The following RERE variants were observed in gnomAD, a reference collection of about 807,000 sequenced individuals.
RERE encodes the protein arginine-glutamic acid dipeptide repeats, also known as arginine-glutamic acid dipeptide repeats protein.
A neutral mutation model predicts 146.1 loss-of-function variants in RERE; 40 were observed. That is an observed-to-expected ratio of 0.27 (90% CI 0.21 to 0.36). The LOEUF (loss-of-function observed/expected upper bound fraction) is 0.36, where lower values mean the gene tolerates loss of function less well. RERE is among the 10% of genes least tolerant of loss of function. The probability of loss-of-function intolerance (pLI) is 1.00; values close to 1 mark genes in which losing one functional copy is unlikely to be tolerated. For synonymous variants in RERE, 1,003 were observed against 866.0 expected (o/e 1.16, Z -2.78); for missense variants, 1,933 against 2,138.7 (o/e 0.90, Z 1.90).
chr1:8,664,715 T>C (rs1638531761), intron 1 of RERE, among the ~76,000 whole-genome samples: 1 of 152,124 alleles, frequency 6.6e-6, no homozygotes, highest in South Asian at 2.1e-4. Flanking sequence ...AATTATCTCA[T>C]TGTTACCTTA....
At chr1:8,506,049 C>G (rs537096699) in intron 8 of RERE, among the ~76,000 whole-genome samples, 3 of 151,754 alleles carry the variant, frequency 2.0e-5, no homozygotes. Context: ...ACTACATTTT[C>G]TTTTATGGTA....
At chr1:8,771,481 G>A (rs965838179) in intron 1 of RERE, among the ~76,000 whole-genome samples, 8 of 149,270 alleles carry the variant, frequency 5.4e-5, no homozygotes, top group Non-Finnish European at 1.0e-4. Context: ...CTGAGATTGC[G>A]CCACTACACT....
chr1:8,662,583 G>C (rs565705734), intron 1 of RERE, among the ~76,000 whole-genome samples: 1 of 152,286 alleles, frequency 6.6e-6, no homozygotes, highest in East Asian at 1.9e-4. Flanking sequence ...CTAGCTACTT[G>C]GGAGGCTGAG....
chr1:8,511,287 TA>T (rs1352296073), intron 7 of RERE, among the ~76,000 whole-genome samples: 2 of 152,154 alleles, frequency 1.3e-5, no homozygotes, highest in African/African-American at 4.8e-5. Flanking sequence ...TTTAAGTTTA[TA>T]ACAGGGAAGA....
intron 12 of RERE, among the ~76,000 whole-genome samples, chr1:8,388,724 A>G (rs1642775446): frequency 7.0e-6 from 1 of 141,860 alleles, no homozygotes; most frequent in East Asian, 2.1e-4. Context: ...ATATTTAACT[A>G]AAAAAAATTT....
chr1:8,728,547 G>A (rs904776344), intron 1 of RERE, among the ~76,000 whole-genome samples: 3 of 151,032 alleles, frequency 2.0e-5, no homozygotes, highest in Admixed American at 6.6e-5. Flanking sequence ...ACCATTAAAA[G>A]GTATGATATT....
intron 12 of RERE, among the ~76,000 whole-genome samples, chr1:8,407,568 G>C (rs111887500): frequency 0.013 from 1,903 of 151,986 alleles, 39 homozygotes; most frequent in African/African-American, 0.044. Context: ...CAAGGCCCTA[G>C]TTCTTGGCTC....
chr1:8,393,280 T>C (rs1205177576), intron 12 of RERE, among the ~76,000 whole-genome samples: 1 of 152,202 alleles, frequency 6.6e-6, no homozygotes, highest in African/African-American at 2.4e-5. Flanking sequence ...ATACAACAGT[T>C]CTTATTTCCG....
In RERE at chr1:8,358,466, G is replaced by C. The variant is rs763833440; in HGVS notation, c.4069C>G (p.Pro1357Ala). The C allele has an allele frequency of 7.6e-6, 12 of 1,584,962 alleles. No homozygotes were observed. In the South Asian group the frequency reaches 7.9e-5, roughly 10 times the overall value. ...FARHSALTIP[P>A]TAGPHPFASF... is the part of the protein sequence containing the mutation. The stretch of plus-strand genomic sequence containing the variant: ...GCAAAAGGGTGGGGCCCGGCGGTCG[G>C]GGGGATGGTGAGGGCGCTGTGCCGG... The change falls in exon 20 of 23, where the codon CCG becomes GCG. Residue 1357 changes from proline (P) to alanine (A), a missense_variant. Coordinates refer to ENST00000400908, the MANE Select transcript of RERE (RefSeq NM_001042681.2).
chr1:8,577,825 T>C (rs1047241764), intron 4 of RERE, among the ~76,000 whole-genome samples: 3 of 152,190 alleles, frequency 2.0e-5, no homozygotes, highest in African/African-American at 7.2e-5. Flanking sequence ...CCGGGTGCAG[T>C]GGCTCATGCC....
intron 7 of RERE, among the ~76,000 whole-genome samples, chr1:8,512,094 C>A (rs1483199352): frequency 8.0e-6 from 1 of 125,740 alleles, no homozygotes; most frequent in Non-Finnish European, 1.6e-5. Flanking sequence ...ACTGCAGTGG[C>A]GCAATCTCGG....
intron 3 of RERE, among the ~76,000 whole-genome samples, chr1:8,620,003 G>T (rs1646899210): frequency 6.6e-6 from 1 of 152,182 alleles, no homozygotes. Context: ...CAGGTATTCA[G>T]TAAATGCCTG....
chr1:8,438,565 T>A (rs944089738), intron 11 of RERE, among the ~76,000 whole-genome samples: 1 of 152,200 alleles, frequency 6.6e-6, no homozygotes, highest in Non-Finnish European at 1.5e-5. Context: ...GCAATCAGCA[T>A]TTTGTGCTCA....
chr1:8,614,882 A>G (rs979520469), intron 3 of RERE, among the ~76,000 whole-genome samples, 196 bp from the exon 4 acceptor site: 13 of 152,228 alleles, frequency 8.5e-5, no homozygotes, highest in African/African-American at 2.9e-4. Context: ...CAGTGTGAAC[A>G]AACGTATGAC....
At chr1:8,564,830 GTA>G (rs1235456516) in intron 4 of RERE, among the ~76,000 whole-genome samples, 5,781 of 96,658 alleles carry the variant, frequency 0.06, 351 homozygotes, top group African/African-American at 0.19. Context: ...GTGTATATGT[GTA>G]TGTGTGTGTG....
intron 3 of RERE, among the ~76,000 whole-genome samples, chr1:8,619,251 C>T (rs571055647): frequency 2.6e-5 from 4 of 152,242 alleles, no homozygotes; most frequent in East Asian, 1.9e-4. Flanking sequence ...AACAATATGT[C>T]GAGCCCAGCT....
chr1:8,497,338 G>T, intron 9 of RERE, 67 bp downstream of exon 9: 1 of 1,556,548 alleles, frequency 6.4e-7, no homozygotes, highest in Non-Finnish European at 8.8e-7. Context: ...GAAATGCAAA[G>T]TTTACTGCCT....
At chr1:8,535,835 T>C (rs7526121) in intron 7 of RERE, among the ~76,000 whole-genome samples, 124,534 of 152,138 alleles carry the variant, frequency 0.82, 51,199 homozygotes, top group East Asian at 0.95. Context: ...TAGCCGGGCA[T>C]GGTGGCCCCT....
chr1:8,391,466 A>G (rs1269638880), intron 12 of RERE, among the ~76,000 whole-genome samples: 1 of 152,044 alleles, frequency 6.6e-6, no homozygotes, highest in Non-Finnish European at 1.5e-5. Flanking sequence ...CACACACTCC[A>G]GCTACACTTA....
Sources: gnomAD v4.1 joint callset for allele counts (sites outside exome capture counted in the v4.1 genomes callset) on GRCh38, gnomAD v4.1.1 for gene constraint, MANE v1.5 for transcripts, NCBI Gene and HGNC (gene_info 2026-07-23, HGNC 2026-07-21) for gene names.